The following PHTF2 variants were observed in gnomAD, a reference collection of about 807,000 sequenced individuals.
PHTF2 encodes the protein protein PHTF2.
In PHTF2, 60 loss-of-function variants were observed where a neutral mutation model predicts 101.2. That is an observed-to-expected ratio of 0.59 (90% confidence interval 0.48 to 0.73). PHTF2 has a LOEUF of 0.73. PHTF2 is among the 30% of genes least tolerant of loss of function. The probability of loss-of-function intolerance (pLI) is 0.00; values close to 1 mark genes in which losing one functional copy is unlikely to be tolerated. For synonymous variants in PHTF2, 311 were observed against 307.3 expected (o/e 1.01, Z -0.13); for missense variants, 747 against 908.7 (o/e 0.82, Z 2.29).
At position 77,947,837 on chromosome 7, in the gene PHTF2, C is replaced by CTTTT. The variant is rs71082798; in HGVS notation, c.1960-1826_1960-1823dup. 6.8e-4 allele frequency among the ~76,000 whole-genome samples: 50 copies of CTTTT among 73,802 alleles called. 2 individuals carry two copies. Among genetic ancestry groups the CTTTT allele is most frequent in the Middle Eastern group, 0.014 (1 of 74 alleles). 48.4% of individuals were successfully genotyped at this position (73,802 alleles called of 152,430 possible). On this transcript the variant is annotated intron_variant, in intron 16 of 19. Transcript: ENST00000416283. Reference sequence around the variant, plus strand: ...TTATTTTCTTTTTTCTTTTTTCTTTCTTTTTTTTTTTTTTTTTTGAGACAG... The same window carrying CTTTT: ...TTATTTTCTTTTTTCTTTTTTCTTTCTTTTTTTTTTTTTTTTTTTTTTGAGACAG...
intron 16 of PHTF2, among the ~76,000 whole-genome samples, chr7:77,945,614 C>A (rs954201954): frequency 6.6e-6 from 1 of 152,012 alleles, no homozygotes; most frequent in Non-Finnish European, 1.5e-5. Context: ...ATAATACATT[C>A]TTTAAAAGAA....
intron 9 of PHTF2, among the ~76,000 whole-genome samples, chr7:77,913,593 C>G (rs886618303): frequency 6.6e-6 from 1 of 152,046 alleles, no homozygotes; most frequent in Non-Finnish European, 1.5e-5. Flanking sequence ...CTCTAAGATT[C>G]ATTTCACCGT....
intron 19 of PHTF2, among the ~76,000 whole-genome samples, chr7:77,954,141 AT>A (rs1490722031): frequency 2.0e-5 from 3 of 151,764 alleles, no homozygotes; most frequent in Non-Finnish European, 4.4e-5. Context: ...GGTTTTTTTT[AT>A]TTTTTATTTT....
chr7:77,903,383 T>A (rs1283581436), intron 7 of PHTF2, among the ~76,000 whole-genome samples: 1 of 152,214 alleles, frequency 6.6e-6, no homozygotes, highest in Admixed American at 6.5e-5. Context: ...TTGAATGTGG[T>A]CAGAAATTGC....
chr7:77,807,458 G>C (rs1793081949), intron 1 of PHTF2, among the ~76,000 whole-genome samples: 1 of 151,976 alleles, frequency 6.6e-6, no homozygotes, highest in South Asian at 2.1e-4. Flanking sequence ...TAGTGATGTT[G>C]AGCATCTTTT....
intron 16 of PHTF2, among the ~76,000 whole-genome samples, chr7:77,943,822 A>C (rs957596375): frequency 1.3e-5 from 2 of 152,036 alleles, no homozygotes; most frequent in Non-Finnish European, 2.9e-5. Context: ...GTTCGAGACC[A>C]GCCCGACCAA....
At chr7:77,820,168 C>T (rs1409192282) in intron 1 of PHTF2, among the ~76,000 whole-genome samples, 1 of 152,154 alleles carries the variant, frequency 6.6e-6, no homozygotes, top group Non-Finnish European at 1.5e-5. Flanking sequence ...GGATTACAGG[C>T]GTGAGCCACC....
At position 77,949,753 on chromosome 7, in the gene PHTF2, CT is replaced by C; in HGVS notation, c.2040del (p.Leu681SerfsTer2). ...GGTAATCTGGTGCATCTCGTTAACA[CT>C]TTTTCTCCTAAGATTTGTTACCCTT... On this transcript the variant is annotated frameshift_variant, in exon 17 of 20. Coordinates refer to ENST00000416283, the Ensembl canonical transcript of PHTF2. LOFTEE classifies it high-confidence loss of function. The C allele has an allele frequency of 2.6e-6, 4 of 1,549,568 alleles. No individual in the cohort carries two copies. The highest frequency in any genetic ancestry group is 3.5e-6 in the Non-Finnish European group (4 of 1,131,464).
chr7:77,898,736 T>C (rs1801104144), intron 5 of PHTF2, among the ~76,000 whole-genome samples: 4 of 152,310 alleles, frequency 2.6e-5, no homozygotes, highest in African/African-American at 9.6e-5. Flanking sequence ...CATTAACAAT[T>C]CATGGCCAAC....
intron 1 of PHTF2, among the ~76,000 whole-genome samples, chr7:77,799,388 C>T (rs1792342774): frequency 6.6e-6 from 1 of 152,130 alleles, no homozygotes; most frequent in Non-Finnish European, 1.5e-5. Context: ...GTGGCTAGCC[C>T]GGCTGGCGGG....
chr7:77,850,688 T>A (rs974570130), intron 2 of PHTF2, among the ~76,000 whole-genome samples: 1 of 146,438 alleles, frequency 6.8e-6, no homozygotes, highest in African/African-American at 2.5e-5. Context: ...CTTCCCAGAA[T>A]GTGGGGGCTT....
At chr7:77,884,881 A>C (rs1200210826) in intron 3 of PHTF2, among the ~76,000 whole-genome samples, 1 of 151,576 alleles carries the variant, frequency 6.6e-6, no homozygotes, top group Non-Finnish European at 1.5e-5. Flanking sequence ...CCTGGGTGAC[A>C]AAGCGAGACT....
chr7:77,903,438 G>A (rs923726024), intron 7 of PHTF2, among the ~76,000 whole-genome samples: 1 of 152,172 alleles, frequency 6.6e-6, no homozygotes, highest in Non-Finnish European at 1.5e-5. Flanking sequence ...GTACATCACA[G>A]TGCATTGTGC....
At chr7:77,811,782 G>A (rs1283106937) in intron 1 of PHTF2, among the ~76,000 whole-genome samples, 1 of 152,088 alleles carries the variant, frequency 6.6e-6, no homozygotes, top group African/African-American at 2.4e-5. Context: ...CTATGAAGTG[G>A]TATTTAGAGA....
At chr7:77,860,796 T>G (rs1423058955) in intron 3 of PHTF2, among the ~76,000 whole-genome samples, 1 of 152,102 alleles carries the variant, frequency 6.6e-6, no homozygotes, top group Non-Finnish European at 1.5e-5. Context: ...ACTGCAGCCT[T>G]GACCTCCTCG....
chr7:77,800,060 T>G (rs1792414381), intron 1 of PHTF2, among the ~76,000 whole-genome samples: 1 of 152,192 alleles, frequency 6.6e-6, no homozygotes, highest in African/African-American at 2.4e-5. Context: ...TTTTCAGGTA[T>G]TTTTGTAAAG....
chr7:77,837,447 A>C (rs1795557957), intron 1 of PHTF2, among the ~76,000 whole-genome samples: 1 of 152,210 alleles, frequency 6.6e-6, no homozygotes, highest in African/African-American at 2.4e-5. Flanking sequence ...GCTGGTTCAG[A>C]AATCTATCTT....
intron 1 of PHTF2, among the ~76,000 whole-genome samples, chr7:77,839,384 A>T (rs889600239): frequency 1.3e-5 from 2 of 152,192 alleles, no homozygotes; most frequent in Non-Finnish European, 2.9e-5. Context: ...TTTAGTACCT[A>T]TCCTGTTTTA....
In PHTF2 at chr7:77,842,646, A is replaced by T. The variant is rs142871220; in HGVS notation, c.45+2346A>T. On this transcript the variant is annotated intron_variant, in intron 2 of 19. Transcript: ENST00000416283. ...CAGAGGCAATCATTTTAAAGTCTTT[A>T]TAGCTCATTGGTTCTGAAACCAAAG... is the stretch of plus-strand genomic sequence containing the variant. Among the ~76,000 whole-genome samples the T allele has an allele frequency of 1.8e-3, 276 of 152,256 alleles. 2 individuals are homozygous for T. The highest frequency in any genetic ancestry group is 6.0e-3 in the African/African-American group (249 of 41,548).
Sources: gnomAD v4.1 joint callset for allele counts (sites outside exome capture counted in the v4.1 genomes callset) on GRCh38, gnomAD v4.1.1 for gene constraint, MANE v1.5 for transcripts, NCBI Gene and HGNC (gene_info 2026-07-23, HGNC 2026-07-21) for gene names.